SPIDR: variants seen among roughly 807,000 people sequenced by gnomAD.
SPIDR encodes the protein scaffold protein involved in DNA repair, also known as DNA repair-scaffolding protein.
Under a neutral mutation model 104.6 loss-of-function variants are expected in SPIDR, and 93 were observed. That is an observed-to-expected ratio of 0.89 (90% CI 0.75 to 1.06). The LOEUF is 1.06. Ranked by LOEUF, SPIDR falls within the 50% of genes least tolerant of loss-of-function variation. The pLI is 0.00. For missense variants in SPIDR, 1,154 were observed against 1,111.2 expected, an observed-to-expected ratio of 1.04 and a Z score of -0.55; for synonymous variants, 431 against 416.9, an observed-to-expected ratio of 1.03 and a Z score of -0.41.
chr8:47,300,841 A>G (rs960624691), intron 5 of SPIDR, among the ~76,000 whole-genome samples: 1 of 152,158 alleles, frequency 6.6e-6, no homozygotes, highest in African/African-American at 2.4e-5. Flanking sequence ...GTTCTTTTAC[A>G]TATGCTGAGG....
chr8:47,401,996 T>A (rs1292828687), intron 6 of SPIDR, among the ~76,000 whole-genome samples: 1 of 152,184 alleles, frequency 6.6e-6, no homozygotes, highest in Non-Finnish European at 1.5e-5. Flanking sequence ...AATAGACATC[T>A]ACAGAACTCT....
At position 47,352,289 on chromosome 8, in the gene SPIDR, A is replaced by G. The variant is rs573629725; in HGVS notation, c.526-44087A>G. Among the ~76,000 whole-genome samples the G allele has an allele frequency of 7.2e-5, 11 of 151,924 alleles. No individual in the cohort carries two copies. The East Asian group carries it at 1.4e-3, about 19-fold the overall frequency. ...AGACTCCATCTCAACAAAAAAAAAA[A>G]AAAGAAAGAAAGAAAATAATTTGAC... On this transcript the variant is annotated intron_variant, in intron 5 of 19. Transcript: ENST00000297423.
chr8:47,327,898 A>G (rs1554601456), intron 5 of SPIDR, among the ~76,000 whole-genome samples: 1 of 151,350 alleles, frequency 6.6e-6, no homozygotes, highest in Non-Finnish European at 1.5e-5. Context: ...GGGTTTCGCC[A>G]TGTTGCTCAG....
At chr8:47,380,528 T>C (rs1384117444) in intron 5 of SPIDR, among the ~76,000 whole-genome samples, 1 of 151,996 alleles carries the variant, frequency 6.6e-6, no homozygotes, top group African/African-American at 2.4e-5. Flanking sequence ...GCAGGTGCCT[T>C]TCTTGAGCCT....
intron 5 of SPIDR, among the ~76,000 whole-genome samples, chr8:47,328,154 A>C (rs76388619): frequency 6.6e-6 from 1 of 151,994 alleles, no homozygotes; most frequent in Non-Finnish European, 1.5e-5. Context: ...ATCCACGATC[A>C]TGAAGATCTA....
intron 5 of SPIDR, among the ~76,000 whole-genome samples, chr8:47,322,362 G>C (rs532150796): frequency 6.6e-6 from 1 of 152,342 alleles, no homozygotes; most frequent in East Asian, 1.9e-4. Context: ...GGCCATCAGA[G>C]AAATGCAAAT....
At chr8:47,403,768 C>G (rs1410197902) in intron 6 of SPIDR, among the ~76,000 whole-genome samples, 4 of 152,206 alleles carry the variant, frequency 2.6e-5, no homozygotes, top group Non-Finnish European at 4.4e-5. Flanking sequence ...GGGAAAATGG[C>G]CATATTACCC....
At chr8:47,561,613 G>A (rs901470042) in intron 8 of SPIDR, among the ~76,000 whole-genome samples, 19 of 152,048 alleles carry the variant, frequency 1.2e-4, no homozygotes, top group African/African-American at 4.3e-4. Flanking sequence ...TGCCTCCTCT[G>A]TACCTTTGCC....
At chr8:47,612,037 C>T (rs2063679189) in intron 10 of SPIDR, among the ~76,000 whole-genome samples, 1 of 152,150 alleles carries the variant, frequency 6.6e-6, no homozygotes, top group Non-Finnish European at 1.5e-5. Flanking sequence ...GCAAGACCAC[C>T]CTTCCTTTCT....
At chr8:47,676,411 T>C (rs1479191875) in intron 11 of SPIDR, among the ~76,000 whole-genome samples, 1 of 152,220 alleles carries the variant, frequency 6.6e-6, no homozygotes, top group African/African-American at 2.4e-5. Flanking sequence ...TTTTGGAAGC[T>C]ATATTTCTTC....
chr8:47,364,612 T>C (rs1025099415), intron 5 of SPIDR, among the ~76,000 whole-genome samples: 12 of 152,190 alleles, frequency 7.9e-5, no homozygotes, highest in African/African-American at 2.9e-4. Flanking sequence ...GAATTCTCAT[T>C]TGGAATATAT....
chr8:47,314,377 T>C (rs1308878339), intron 5 of SPIDR, among the ~76,000 whole-genome samples: 1 of 152,188 alleles, frequency 6.6e-6, no homozygotes, highest in African/African-American at 2.4e-5. Context: ...ATGAGATGTG[T>C]GTCAGTCTGT....
intron 8 of SPIDR, among the ~76,000 whole-genome samples, chr8:47,540,147 T>A (rs1013030730): frequency 6.6e-6 from 1 of 152,160 alleles, no homozygotes; most frequent in Non-Finnish European, 1.5e-5. Flanking sequence ...TCCTAAACAC[T>A]TTTTTGAATA....
At chr8:47,343,717 C>T (rs1484993315) in intron 5 of SPIDR, among the ~76,000 whole-genome samples, 1 of 152,084 alleles carries the variant, frequency 6.6e-6, no homozygotes, top group East Asian at 1.9e-4. Context: ...CTGTTTCGGG[C>T]AGGGATTTAA....
At chr8:47,390,666 A>G (rs908185802) in intron 5 of SPIDR, among the ~76,000 whole-genome samples, 1 of 150,450 alleles carries the variant, frequency 6.6e-6, no homozygotes, top group Non-Finnish European at 1.5e-5. Flanking sequence ...TCTACTTGTT[A>G]TTTTTTTTTC....
intron 1 of SPIDR, among the ~76,000 whole-genome samples, chr8:47,278,688 A>G (rs1554556194): frequency 0.029 from 4,328 of 151,678 alleles, 219 homozygotes; most frequent in African/African-American, 0.098. Context: ...GCTCATTGCA[A>G]CCTTTGCCTT....
chr8:47,323,809 C>G (rs1563619938), intron 5 of SPIDR, among the ~76,000 whole-genome samples: 1 of 152,216 alleles, frequency 6.6e-6, no homozygotes, highest in South Asian at 2.1e-4. Context: ...TTCAGATCTC[C>G]TTTGAGGTCT....
At chr8:47,665,798 A>T (rs1349027885) in intron 10 of SPIDR, among the ~76,000 whole-genome samples, 1 of 152,232 alleles carries the variant, frequency 6.6e-6, no homozygotes, top group Non-Finnish European at 1.5e-5. Flanking sequence ...TGAACACAGT[A>T]GTAATTATGT....
At chr8:47,661,004 G>A in intron 10 of SPIDR, 1 of 982,432 alleles carries the variant, frequency 1.0e-6, no homozygotes, top group Non-Finnish European at 1.2e-6. Context: ...GATTGTGCAG[G>A]TACCCAAACT....
Sources: gnomAD v4.1 joint callset for allele counts (sites outside exome capture counted in the v4.1 genomes callset) on GRCh38, gnomAD v4.1.1 for gene constraint, MANE v1.5 for transcripts, NCBI Gene and HGNC (gene_info 2026-07-23, HGNC 2026-07-21) for gene names.